Variants in MAP4K3 observed in about 807,000 individuals in gnomAD.
MAP4K3 encodes mitogen-activated protein kinase kinase kinase kinase 3.
Under a neutral mutation model 143.5 loss-of-function variants are expected in MAP4K3, and 94 were observed. That is an observed-to-expected ratio of 0.65 (90% CI 0.55 to 0.78). The LOEUF (loss-of-function observed/expected upper bound fraction) is 0.78. Among genes scored for constraint, MAP4K3 ranks in the 30% least tolerant of loss-of-function variants. The pLI, the probability that MAP4K3 is intolerant of heterozygous loss-of-function variation, is 0.00. For missense variants in MAP4K3, 1,077 were observed against 1,068.1 expected (o/e 1.01, Z -0.12); for synonymous variants, 416 against 347.2 (o/e 1.20, Z -2.20).
intron 32 of MAP4K3, 23 bp downstream of exon 32, chr2:39,254,427 C>G (rs776478279): frequency 1.3e-6 from 2 of 1,587,500 alleles, no homozygotes; most frequent in Non-Finnish European, 1.7e-6. Flanking sequence ...CTTGTGACTA[C>G]TTAATGGACA....
At chr2:39,325,333 G>A (rs1290998858) in intron 12 of MAP4K3, among the ~76,000 whole-genome samples, 185 bp downstream of exon 12, 1 of 152,082 alleles carries the variant, frequency 6.6e-6, no homozygotes, top group Non-Finnish European at 1.5e-5. Flanking sequence ...TAGTCAGTAA[G>A]AAAAACCTAG....
chr2:39,378,099 A>G lies in MAP4K3; in HGVS notation c.121T>C (p.Leu41=), dbSNP rs753732425. ...YKARNVNTGE[L]AAIKVIKLEP... ...AATTTTATTACTTTAATTGCTGCTA[A>G]TTCACCAGTGTTAACATTCCGTGCC... Residue 41 remains leucine, a synonymous_variant, in exon 2 of 34, where the codon TTA becomes CTA. Transcript: ENST00000263881. The G allele has an allele frequency of 2.5e-6, 4 of 1,592,470 alleles. No homozygotes were observed. The highest frequency in any genetic ancestry group is 3.4e-6 in the Non-Finnish European group (4 of 1,169,240).
At chr2:39,327,607 G>A (rs2148517480) in intron 8 of MAP4K3, among the ~76,000 whole-genome samples, 1 of 152,240 alleles carries the variant, frequency 6.6e-6, no homozygotes, top group African/African-American at 2.4e-5. Context: ...ATGATTTCAG[G>A]AAGGTCAAGT....
chr2:39,318,603 T>C (rs1256804930), intron 12 of MAP4K3, among the ~76,000 whole-genome samples: 3 of 152,064 alleles, frequency 2.0e-5, no homozygotes, highest in African/African-American at 7.2e-5. Flanking sequence ...CTGATGAAAA[T>C]AATCTTTCTA....
intron 1 of MAP4K3, among the ~76,000 whole-genome samples, chr2:39,378,908 CAT>C (rs1326771448): frequency 5.3e-5 from 8 of 151,430 alleles, no homozygotes; most frequent in Admixed American, 3.9e-4. Context: ...ATATAATACA[CAT>C]ATAAATAAGC....
At chr2:39,381,693 A>G (rs1422387568) in intron 1 of MAP4K3, among the ~76,000 whole-genome samples, 1 of 152,110 alleles carries the variant, frequency 6.6e-6, no homozygotes, top group Non-Finnish European at 1.5e-5. Flanking sequence ...TCTTTTGCCT[A>G]TGGATATGAA....
chr2:39,295,469 A>T (rs1387258401), intron 16 of MAP4K3, among the ~76,000 whole-genome samples: 1 of 152,122 alleles, frequency 6.6e-6, no homozygotes, highest in East Asian at 1.9e-4. Flanking sequence ...ACTGTAAAAA[A>T]ATCATGAGAC....
intron 29 of MAP4K3, among the ~76,000 whole-genome samples, chr2:39,259,156 C>T (rs1680460864): frequency 6.6e-6 from 1 of 151,174 alleles, no homozygotes; most frequent in Non-Finnish European, 1.5e-5. Context: ...CCATGTCTGG[C>T]TAATTAAAAA....
chr2:39,373,437 T>G (rs1225195104), intron 2 of MAP4K3, among the ~76,000 whole-genome samples: 1 of 152,170 alleles, frequency 6.6e-6, no homozygotes, highest in Non-Finnish European at 1.5e-5. Flanking sequence ...CACTCCTAGA[T>G]ACATACTCAA....
intron 31 of MAP4K3, among the ~76,000 whole-genome samples, chr2:39,256,814 A>AC (rs998285707): frequency 2.0e-5 from 3 of 152,164 alleles, no homozygotes; most frequent in African/African-American, 7.2e-5. Flanking sequence ...AGGTAAAAAA[A>AC]CCATCATGCC....
intron 8 of MAP4K3, among the ~76,000 whole-genome samples, chr2:39,328,761 G>C (rs1683585953): frequency 6.6e-6 from 1 of 152,110 alleles, no homozygotes; most frequent in Non-Finnish European, 1.5e-5. Context: ...TTGATGCATT[G>C]GGGTGTGTGT....
At chr2:39,256,445 T>C (rs548792015) in intron 31 of MAP4K3, among the ~76,000 whole-genome samples, 1 of 152,290 alleles carries the variant, frequency 6.6e-6, no homozygotes, top group East Asian at 1.9e-4. Context: ...CTAAGAAGTA[T>C]TATTTAAAAA....
chr2:39,300,725 T>C (rs1451404004), intron 15 of MAP4K3, among the ~76,000 whole-genome samples: 2 of 152,224 alleles, frequency 1.3e-5, no homozygotes, highest in Non-Finnish European at 2.9e-5. Flanking sequence ...AAAAGCCACC[T>C]TGGAGCAGCC....
chr2:39,338,255 G>T (rs572652461), intron 4 of MAP4K3, among the ~76,000 whole-genome samples: 3 of 151,994 alleles, frequency 2.0e-5, no homozygotes, highest in Non-Finnish European at 2.9e-5. Flanking sequence ...CAAAAGAAAC[G>T]ATGTCCAATA....
chr2:39,312,521 A>G (rs1002859623), intron 13 of MAP4K3, among the ~76,000 whole-genome samples: 1 of 152,196 alleles, frequency 6.6e-6, no homozygotes, highest in Non-Finnish European at 1.5e-5. Context: ...GTTAATACCA[A>G]TGAAAGAAGA....
chr2:39,357,559 T>C (rs1477285461), intron 2 of MAP4K3, among the ~76,000 whole-genome samples: 1 of 152,112 alleles, frequency 6.6e-6, no homozygotes, highest in Admixed American at 6.5e-5. Flanking sequence ...AGGAAAGAAA[T>C]AATGGAGAAG....
chr2:39,306,201 T>TA (rs1447036324), intron 15 of MAP4K3, among the ~76,000 whole-genome samples: 1 of 152,038 alleles, frequency 6.6e-6, no homozygotes, highest in African/African-American at 2.4e-5. Context: ...TATTAATAAA[T>TA]ACTAGAGTCA....
chr2:39,265,364 A>C, intron 27 of MAP4K3, 58 bp from the exon 28 acceptor site: 1 of 1,011,496 alleles, frequency 9.9e-7, no homozygotes, highest in East Asian at 2.4e-5. Flanking sequence ...TATGACAATA[A>C]TTGCATGCTC....
At chr2:39,268,783 G>T (rs900171028) in intron 26 of MAP4K3, among the ~76,000 whole-genome samples, 4 of 151,748 alleles carry the variant, frequency 2.6e-5, no homozygotes, top group Non-Finnish European at 4.4e-5. Context: ...GTGATTACAG[G>T]CATCAGCCAC....
Sources: allele counts gnomAD v4.1 joint callset (sites outside exome capture counted in the v4.1 genomes callset), GRCh38; gene constraint gnomAD v4.1.1; transcripts MANE v1.5; gene names NCBI Gene and HGNC (gene_info 2026-07-23, HGNC 2026-07-21).